Variants in ATRX observed in about 807,000 individuals in gnomAD.
ATRX encodes the protein ATRX chromatin remodeler.
Under a neutral mutation model 172.6 loss-of-function variants are expected in ATRX, and 12 were observed. The observed-to-expected ratio is 0.07, with a 90% CI of 0.04 to 0.11. The LOEUF is 0.11. Ranked by LOEUF, ATRX falls within the 10% of genes least tolerant of loss-of-function variation. ATRX has a pLI of 1.00. For synonymous variants in ATRX, 674 were observed against 594.7 expected, an observed-to-expected ratio of 1.13 and a Z score of -1.94; for missense variants, 1,368 against 1,767.4, an observed-to-expected ratio of 0.77 and a Z score of 4.05.
intron 30 of ATRX, among the ~76,000 whole-genome samples, chrX:77,525,164 A>C (rs781796167): frequency 3.6e-4 from 41 of 112,361 alleles, no homozygotes; most frequent in Non-Finnish European, 6.2e-4. Flanking sequence ...GTTACTTTGA[A>C]ATGTTAACTA....
chrX:77,648,129 C>T (rs1281945893), intron 15 of ATRX, among the ~76,000 whole-genome samples: 3 of 111,253 alleles, frequency 2.7e-5, no homozygotes, highest in Non-Finnish European at 3.8e-5. Flanking sequence ...TTCCAGCAAA[C>T]ATGAAGCAAA....
At chrX:77,520,032 T>G (rs2063176922) in intron 34 of ATRX, among the ~76,000 whole-genome samples, 1 of 112,190 alleles carries the variant, frequency 8.9e-6, no homozygotes, top group African/African-American at 3.2e-5. Flanking sequence ...GAGATCATTA[T>G]GTTAAGTGAA....
intron 1 of ATRX, among the ~76,000 whole-genome samples, chrX:77,722,933 C>G (rs1434874789): frequency 4.5e-5 from 5 of 112,144 alleles, no homozygotes; most frequent in Non-Finnish European, 9.4e-5. Context: ...AGACTTGGAA[C>G]TAACCCAAAT....
intron 15 of ATRX, among the ~76,000 whole-genome samples, chrX:77,640,454 A>C (rs1199178736): frequency 3.6e-5 from 4 of 111,469 alleles, no homozygotes; most frequent in Non-Finnish European, 7.5e-5. Context: ...TCTGAATTGA[A>C]GGGAAAATAA....
chrX:77,750,464 C>T (rs1295103376), intron 1 of ATRX, among the ~76,000 whole-genome samples: 3 of 111,300 alleles, frequency 2.7e-5, no homozygotes, highest in East Asian at 5.6e-4. Flanking sequence ...ACATAATAGA[C>T]ACCTAAGGGA....
In ATRX at chrX:77,685,117, A is replaced by G. The variant is rs1239631696; in HGVS notation, c.595-111T>C. 5.0e-6 allele frequency: 3 copies of G among 603,306 alleles called. No homozygotes were observed. The East Asian group carries it at 1.1e-4, about 21-fold the overall frequency. The allele number at this position is 603,306 out of a possible 1,213,427, so 49.7% of individuals were successfully genotyped here. A position where few individuals can be genotyped will look rare whatever the true frequency, so the allele number is the denominator to read the frequency against. On this transcript the variant is annotated intron_variant, in intron 7 of 34. Coordinates refer to ENST00000373344, the MANE Select transcript of ATRX (RefSeq NM_000489.6). ...AAAAACACTGGGGAAAATCTCCAGG[A>G]CACTGGTGTGGGCAAAGATTTATTG...
At chrX:77,631,086 C>T (rs1240132189) in intron 19 of ATRX, among the ~76,000 whole-genome samples, 1 of 108,679 alleles carries the variant, frequency 9.2e-6, no homozygotes, top group Non-Finnish European at 1.9e-5. Flanking sequence ...CCTGGAGCAT[C>T]CTGTAATGCC....
intron 9 of ATRX, among the ~76,000 whole-genome samples, chrX:77,677,782 A>T (rs1373220423): frequency 2.7e-5 from 3 of 111,263 alleles, no homozygotes; most frequent in Non-Finnish European, 5.6e-5. Context: ...TATGTTATCA[A>T]GAAAATACAG....
At chrX:77,616,895 T>A (rs1462682811) in intron 21 of ATRX, among the ~76,000 whole-genome samples, 165 bp from the exon 22 acceptor site, 1 of 112,028 alleles carries the variant, frequency 8.9e-6, no homozygotes, top group African/African-American at 3.2e-5. Flanking sequence ...CCCACAATTA[T>A]CTACACAATG....
chrX:77,752,040 T>G (rs1351782835), intron 1 of ATRX, among the ~76,000 whole-genome samples: 3 of 111,871 alleles, frequency 2.7e-5, no homozygotes, highest in Non-Finnish European at 5.6e-5. Flanking sequence ...GGTAGCTTGA[T>G]AGGAATAGCA....
In ATRX at chrX:77,527,437, C is replaced by T. The variant is rs1191819415; in HGVS notation, c.6700-4036G>A. The stretch of plus-strand genomic sequence containing the variant: ...GGGAGGCAGTGAGTGATTGTGCAAC[C>T]CGCTCAGGAAGCCACCACGCTTCTC... On this transcript the variant is annotated intron_variant, in intron 30 of 34. Transcript: ENST00000373344. 2.7e-5 allele frequency among the ~76,000 whole-genome samples: 3 copies of T among 112,174 alleles called. No homozygotes were observed. The East Asian group carries it at 8.4e-4, about 32-fold the overall frequency.
intron 22 of ATRX, among the ~76,000 whole-genome samples, chrX:77,603,327 G>C (rs1425734216): frequency 1.8e-5 from 2 of 110,354 alleles, no homozygotes; most frequent in East Asian, 5.6e-4. Context: ...GTTTGAATCT[G>C]TAGATTGCTT....
chrX:77,754,170 T>G (rs184929576), intron 1 of ATRX, among the ~76,000 whole-genome samples: 228 of 111,609 alleles, frequency 2.0e-3, no homozygotes, highest in African/African-American at 6.3e-3. Context: ...CCCTTTTTTT[T>G]TTGTTTTTTC....
intron 10 of ATRX, among the ~76,000 whole-genome samples, chrX:77,671,624 C>T (rs1412255271): frequency 9.1e-6 from 1 of 110,140 alleles, no homozygotes; most frequent in Non-Finnish European, 1.9e-5. Flanking sequence ...TATTTTTATA[C>T]TTGAAAAATG....
chrX:77,586,160 AC>A (rs1487086391), intron 27 of ATRX, among the ~76,000 whole-genome samples: 1 of 112,500 alleles, frequency 8.9e-6, no homozygotes, highest in Non-Finnish European at 1.9e-5. Context: ...TTTTTGTATC[AC>A]AAAGGATAAA....
intron 19 of ATRX, among the ~76,000 whole-genome samples, chrX:77,632,960 G>A (rs1226708337): frequency 1.8e-5 from 2 of 111,724 alleles, no homozygotes; most frequent in African/African-American, 6.5e-5. Context: ...GCATTTTTAA[G>A]TGTTTACAAG....
chrX:77,605,863 GA>G (rs1303433237), intron 22 of ATRX, among the ~76,000 whole-genome samples: 1 of 110,536 alleles, frequency 9.0e-6, no homozygotes, highest in African/African-American at 3.3e-5. Context: ...GACTACTTAT[GA>G]AAAAAAAGAG....
chrX:77,717,287 TG>T, intron 1 of ATRX, 44 bp from the exon 2 acceptor site: 1 of 1,020,932 alleles, frequency 9.8e-7, no homozygotes, highest in Non-Finnish European at 1.4e-6. Context: ...TAGCCTTTCA[TG>T]TTTTAAATTA....
chrX:77,671,787 T>C (rs1190773878), intron 10 of ATRX, among the ~76,000 whole-genome samples: 1 of 111,299 alleles, frequency 9.0e-6, no homozygotes, highest in Non-Finnish European at 1.9e-5. Flanking sequence ...TTTTCTTTTT[T>C]GAGGAAGACC....
Sources: gnomAD v4.1 joint callset for allele counts (sites outside exome capture counted in the v4.1 genomes callset) on GRCh38, gnomAD v4.1.1 for gene constraint, MANE v1.5 for transcripts, NCBI Gene and HGNC (gene_info 2026-07-23, HGNC 2026-07-21) for gene names.